EFCAB11: variants seen among roughly 807,000 people sequenced by gnomAD.
EFCAB11 encodes the protein EF-hand calcium binding domain 11, also known as EF-hand calcium-binding domain-containing protein 11.
In EFCAB11, 14 loss-of-function variants were observed where a neutral mutation model predicts 23.0. The observed-to-expected ratio is 0.61, with a 90% confidence interval of 0.40 to 0.95. The LOEUF is 0.95. EFCAB11 is among the 40% of genes least tolerant of loss of function. The pLI is 0.00. For synonymous variants in EFCAB11, 65 were observed against 66.6 expected, an observed-to-expected ratio of 0.98 and a Z score of 0.11; for missense variants, 198 against 195.8, an observed-to-expected ratio of 1.01 and a Z score of -0.07.
At chr14:89,928,178 A>G (rs1485228459) in intron 5 of EFCAB11, among the ~76,000 whole-genome samples, 2 of 152,240 alleles carry the variant, frequency 1.3e-5, no homozygotes, top group Non-Finnish European at 2.9e-5. Flanking sequence ...TAGGAAGTAC[A>G]AGATTTGTGG....
chr14:89,889,566 T>C (rs1304836999), intron 5 of EFCAB11, among the ~76,000 whole-genome samples: 1 of 152,248 alleles, frequency 6.6e-6, no homozygotes, highest in Non-Finnish European at 1.5e-5. Context: ...TTGACTGGCA[T>C]CTGGGAACTT....
intron 5 of EFCAB11, among the ~76,000 whole-genome samples, chr14:89,887,808 G>A (rs1204313833): frequency 2.0e-5 from 3 of 152,166 alleles, no homozygotes; most frequent in African/African-American, 7.2e-5. Context: ...TAATATTACA[G>A]TAAGACATTA....
chr14:89,808,419 T>C (rs184632455), intron 5 of EFCAB11, among the ~76,000 whole-genome samples: 3 of 152,278 alleles, frequency 2.0e-5, no homozygotes, highest in African/African-American at 7.2e-5. Context: ...GATAGATTTT[T>C]TTTTCCATTA....
intron 5 of EFCAB11, among the ~76,000 whole-genome samples, chr14:89,852,151 A>C (rs991970013): frequency 1.3e-5 from 2 of 152,250 alleles, no homozygotes; most frequent in Non-Finnish European, 2.9e-5. Context: ...GTTGTATCAT[A>C]GATGGGACAA....
At chr14:89,817,815 G>A (rs756207055) in intron 5 of EFCAB11, among the ~76,000 whole-genome samples, 5 of 152,022 alleles carry the variant, frequency 3.3e-5, no homozygotes, top group South Asian at 2.1e-4. Flanking sequence ...CCAACATGGC[G>A]AAACCCCGTC....
At chr14:89,886,530 AAAAAAAAAAAAAAAG>A (rs1888783825) in intron 5 of EFCAB11, among the ~76,000 whole-genome samples, 1 of 143,060 alleles carries the variant, frequency 7.0e-6, no homozygotes, top group Non-Finnish European at 1.5e-5. Flanking sequence ...AAAAAAAAAA[AAAAAAAAAAAAAAAG>A]GAAAGTGATC....
chr14:89,846,265 T>C (rs544375949), intron 5 of EFCAB11, among the ~76,000 whole-genome samples: 2 of 152,312 alleles, frequency 1.3e-5, no homozygotes, highest in East Asian at 1.9e-4. Context: ...CCCAGGACAC[T>C]TCCCCTACCA....
chr14:89,929,250 C>G (rs72697358), intron 5 of EFCAB11, among the ~76,000 whole-genome samples: 4 of 151,756 alleles, frequency 2.6e-5, no homozygotes, highest in African/African-American at 9.7e-5. Context: ...GACAGGGTCT[C>G]TGTTGCCCAG....
At chr14:89,831,733 T>C (rs760484218) in intron 5 of EFCAB11, among the ~76,000 whole-genome samples, 1 of 152,224 alleles carries the variant, frequency 6.6e-6, no homozygotes, top group African/African-American at 2.4e-5. Context: ...AGAAAGAGCA[T>C]GTATTACAAG....
At position 89,949,443 on chromosome 14, in the gene EFCAB11, C is replaced by A. The variant is rs191939413; in HGVS notation, c.217+654G>T. 1.9e-4 allele frequency among the ~76,000 whole-genome samples: 29 copies of A among 152,298 alleles called. No homozygotes were observed. The East Asian group carries it at 5.2e-3, about 27-fold the overall frequency. On this transcript the variant is annotated intron_variant, in intron 3 of 5. Coordinates refer to ENST00000316738, the MANE Select transcript of EFCAB11 (RefSeq NM_145231.4). ...GCAATGGCTCAATCTCAGCTCATTG[C>A]AATCTCTACCTCCTCAGTTCAAGCA...
Position 89,798,693 on chromosome 14 carries a change from G to A in EFCAB11, c.411-1369C>T, listed in dbSNP as rs150636478. Reference sequence around the variant, plus strand: ...TTCTGATAATATTTTGTGTGTGTGCGAGTGTGCTTATTCACTTATTGAGAT... The same window carrying A: ...TTCTGATAATATTTTGTGTGTGTGCAAGTGTGCTTATTCACTTATTGAGAT... On this transcript the variant is annotated intron_variant, in intron 5 of 5. Coordinates refer to ENST00000316738, the MANE Select transcript of EFCAB11 (RefSeq NM_145231.4). 4.4e-4 allele frequency among the ~76,000 whole-genome samples: 67 copies of A among 152,284 alleles called. No homozygotes were observed. The South Asian group carries it at 8.5e-3, about 19-fold the overall frequency.
chr14:89,950,327 A>ATCTGC (rs1891124797), intron 2 of EFCAB11, among the ~76,000 whole-genome samples, 185 bp from the exon 3 acceptor site: 1 of 152,168 alleles, frequency 6.6e-6, no homozygotes, highest in Non-Finnish European at 1.5e-5. Context: ...CATCTATAAA[A>ATCTGC]TAGCAGACAC....
chr14:89,847,803 C>CAGA lies in EFCAB11; in HGVS notation c.411-50482_411-50480dup, dbSNP rs1887482890. On this transcript the variant is annotated intron_variant, in intron 5 of 5. Coordinates refer to ENST00000316738, the MANE Select transcript of EFCAB11 (RefSeq NM_145231.4). ...AAAAAAAGAATGCAGACTCTGAATT[C>CAGA]AGACAGACTTGCCTTCCAAATTGTC... 8.6e-5 allele frequency among the ~76,000 whole-genome samples: 13 copies of CAGA among 150,650 alleles called. 1 individual carries two copies. In the South Asian group the frequency reaches 2.5e-3, roughly 29 times the overall value.
chr14:89,886,467 G>A (rs1304139286), intron 5 of EFCAB11, among the ~76,000 whole-genome samples: 2 of 137,458 alleles, frequency 1.5e-5, no homozygotes, highest in Admixed American at 1.7e-4. Flanking sequence ...GCAGTGAGCT[G>A]AGATCGCGCC....
chr14:89,809,455 A>G (rs1886078995), intron 5 of EFCAB11, among the ~76,000 whole-genome samples: 1 of 152,180 alleles, frequency 6.6e-6, no homozygotes, highest in African/African-American at 2.4e-5. Flanking sequence ...GCAGGGCCAC[A>G]TCATTGATTA....
intron 5 of EFCAB11, among the ~76,000 whole-genome samples, chr14:89,832,862 C>A (rs559093894): frequency 9.9e-5 from 15 of 152,230 alleles, no homozygotes; most frequent in Non-Finnish European, 1.3e-4. Flanking sequence ...ACCACTGTAA[C>A]GCTGAACCAT....
At chr14:89,890,509 T>A (rs1426441035) in intron 5 of EFCAB11, among the ~76,000 whole-genome samples, 1 of 152,192 alleles carries the variant, frequency 6.6e-6, no homozygotes, top group African/African-American at 2.4e-5. Flanking sequence ...ACCTAATAAA[T>A]CAATATTTGG....
At position 89,897,440 on chromosome 14, in the gene EFCAB11, T is replaced by C. The variant is rs564144761; in HGVS notation, c.410+34101A>G. On this transcript the variant is annotated intron_variant, in intron 5 of 5. Transcript: ENST00000316738. ...GCCAGATGGTCTTGATCTCCTGACC[T>C]CGTGATCCACCCACCTCGGCCTCCC... Among the ~76,000 whole-genome samples the C allele has an allele frequency of 6.6e-5, 10 of 152,114 alleles. No homozygotes were observed. In the South Asian group the frequency reaches 2.1e-3, roughly 32 times the overall value.
chr14:89,857,885 G>T (rs1887804175), intron 5 of EFCAB11, among the ~76,000 whole-genome samples: 1 of 152,070 alleles, frequency 6.6e-6, no homozygotes, highest in South Asian at 2.1e-4. Flanking sequence ...AGAATAAAAA[G>T]AAAGTAGGCC....
Sources: gnomAD v4.1 joint callset for allele counts (sites outside exome capture counted in the v4.1 genomes callset) on GRCh38, gnomAD v4.1.1 for gene constraint, MANE v1.5 for transcripts, NCBI Gene and HGNC (gene_info 2026-07-23, HGNC 2026-07-21) for gene names.